CCDC149: variants seen among roughly 807,000 people sequenced by gnomAD.
The protein encoded by CCDC149 is coiled-coil domain containing 149, also known as coiled-coil domain-containing protein 149.
CCDC149 carries 45 observed loss-of-function variants against 59.9 expected under a neutral mutation model. The observed-to-expected ratio is 0.75, with a 90% confidence interval of 0.59 to 0.96. The LOEUF is 0.96. Among genes scored for constraint, CCDC149 ranks in the 40% least tolerant of loss-of-function variants. The pLI is 0.00. For synonymous variants in CCDC149, 245 were observed against 260.6 expected (o/e 0.94, Z 0.58); for missense variants, 584 against 664.7 (o/e 0.88, Z 1.33).
intron 1 of CCDC149, among the ~76,000 whole-genome samples, chr4:24,949,580 G>T (rs888298427): frequency 6.6e-6 from 1 of 152,130 alleles, no homozygotes; most frequent in African/African-American, 2.4e-5. Flanking sequence ...TGAGGTTAAG[G>T]GGTAAATAAG....
chr4:24,882,327 A>G (rs1420349035), intron 1 of CCDC149, among the ~76,000 whole-genome samples: 1 of 152,224 alleles, frequency 6.6e-6, no homozygotes, highest in Non-Finnish European at 1.5e-5. Flanking sequence ...TCAGAAAGGA[A>G]CTAGAAGGTT....
chr4:24,896,986 A>T (rs1577463068), intron 1 of CCDC149, among the ~76,000 whole-genome samples: 1 of 152,204 alleles, frequency 6.6e-6, no homozygotes, highest in African/African-American at 2.4e-5. Flanking sequence ...TGCTGGTCAC[A>T]GTGAGAGATT....
In CCDC149 at chr4:24,871,431, T is replaced by C. The variant is rs953981051; in HGVS notation, c.264+2250A>G. 5.3e-5 allele frequency among the ~76,000 whole-genome samples: 8 copies of C among 152,180 alleles called. 1 individual carries two copies. The highest frequency in any genetic ancestry group is 8.8e-5 in the Non-Finnish European group (6 of 68,032). On this transcript the variant is annotated intron_variant, in intron 3 of 12. Transcript: ENST00000635206. ...GGGTTGCTATCTGCATCCACCCATT[T>C]CAAAGTCCTGCTCAGGCACAGAGGC...
intron 1 of CCDC149, among the ~76,000 whole-genome samples, chr4:24,933,638 A>C (rs981628663): frequency 6.6e-6 from 1 of 152,204 alleles, no homozygotes; most frequent in Non-Finnish European, 1.5e-5. Flanking sequence ...TTTTCCTCCT[A>C]GAGTTCATAT....
chr4:24,855,395 T>C (rs986448535), intron 3 of CCDC149, among the ~76,000 whole-genome samples: 1 of 152,030 alleles, frequency 6.6e-6, no homozygotes, highest in Non-Finnish European at 1.5e-5. Context: ...TGAAACTCTG[T>C]CTCTACTAAA....
At chr4:24,972,014 A>G (rs558805587) in intron 1 of CCDC149, among the ~76,000 whole-genome samples, 1 of 152,300 alleles carries the variant, frequency 6.6e-6, no homozygotes, top group South Asian at 2.1e-4. Flanking sequence ...CCTTTCCAGA[A>G]CCAACCAAGG....
chr4:24,973,902 G>T (rs1326631641), intron 1 of CCDC149, among the ~76,000 whole-genome samples: 1 of 152,252 alleles, frequency 6.6e-6, no homozygotes, highest in Non-Finnish European at 1.5e-5. Context: ...CTTAAGGCAA[G>T]TAGGCCTTGC....
chr4:24,822,445 T>C, intron 10 of CCDC149, 52 bp downstream of exon 10: 1 of 1,267,898 alleles, frequency 7.9e-7, no homozygotes, highest in Admixed American at 3.1e-5. Context: ...CTTCATTTCT[T>C]AAAAAAAAGA....
In CCDC149 at chr4:24,874,258, T is replaced by G. The variant is rs199818555; in HGVS notation, c.226-539A>C. Among the ~76,000 whole-genome samples the G allele has an allele frequency of 8.3e-3, 433 of 52,190 alleles. 9 individuals are homozygous for G. Among genetic ancestry groups the G allele is most frequent in the East Asian group, 0.039 (74 of 1,904 alleles). The allele number at this position is 52,190 out of a possible 152,430, so 34.2% of individuals were successfully genotyped here. ...CTATTAGATTTGTTTTTTTTTTTTT[T>G]TGTTTTGTTTTTTTTTGTTTTTTTG... is the stretch of plus-strand genomic sequence containing the variant. On this transcript the variant is annotated intron_variant, in intron 2 of 12. Transcript: ENST00000635206.
At chr4:24,963,050 C>T (rs1371469344) in intron 1 of CCDC149, among the ~76,000 whole-genome samples, 1 of 151,710 alleles carries the variant, frequency 6.6e-6, no homozygotes, top group African/African-American at 2.4e-5. Context: ...TGGACTAACA[C>T]CTGAAAACCT....
intron 1 of CCDC149, among the ~76,000 whole-genome samples, chr4:24,953,905 C>T (rs796344943): frequency 3.0e-4 from 45 of 151,294 alleles, no homozygotes; most frequent in African/African-American, 1.0e-3. Flanking sequence ...ACAAAAGGCT[C>T]ACTAGAAACA....
chr4:24,961,473 T>C (rs191253843), intron 1 of CCDC149, among the ~76,000 whole-genome samples: 38 of 152,296 alleles, frequency 2.5e-4, no homozygotes, highest in Non-Finnish European at 4.4e-4. Context: ...AAACTTCATA[T>C]GGACCCAAAA....
At chr4:24,851,304 C>T (rs991633205) in intron 4 of CCDC149, among the ~76,000 whole-genome samples, 1 of 152,186 alleles carries the variant, frequency 6.6e-6, no homozygotes, top group African/African-American at 2.4e-5. Context: ...ATTCTGTCAT[C>T]CATGCTAGAG....
At chr4:24,880,230 T>C (rs941265) in intron 1 of CCDC149, among the ~76,000 whole-genome samples, 75,814 of 152,172 alleles carry the variant, frequency 0.5, 20,784 homozygotes, top group Non-Finnish European at 0.61. Context: ...TGTGTTACAA[T>C]TGCCTTGTAT....
At chr4:24,808,894 CT>C in intron 12 of CCDC149, 75 bp from the exon 13 acceptor site, 2 of 1,348,100 alleles carry the variant, frequency 1.5e-6, no homozygotes, top group South Asian at 3.0e-5. Flanking sequence ...TGCCAACCTC[CT>C]GCCCAGCCTA....
intron 1 of CCDC149, among the ~76,000 whole-genome samples, chr4:24,976,970 G>C (rs1724227000): frequency 6.6e-6 from 1 of 152,172 alleles, no homozygotes; most frequent in Admixed American, 6.5e-5. Flanking sequence ...GGATGGACCT[G>C]ATCAGGAAAA....
intron 1 of CCDC149, among the ~76,000 whole-genome samples, chr4:24,963,617 G>A (rs761199400): frequency 1.3e-5 from 2 of 152,102 alleles, no homozygotes; most frequent in Admixed American, 6.5e-5. Flanking sequence ...GCAACAAGGT[G>A]GTACAAGTCA....
chr4:24,958,281 T>A (rs1723527101), intron 1 of CCDC149, among the ~76,000 whole-genome samples: 1 of 152,208 alleles, frequency 6.6e-6, no homozygotes, highest in Non-Finnish European at 1.5e-5. Context: ...ACCAGAAGAC[T>A]TTCCTTTGGA....
chr4:24,856,488 A>G (rs545736667), intron 3 of CCDC149, among the ~76,000 whole-genome samples: 3 of 152,376 alleles, frequency 2.0e-5, no homozygotes, highest in Non-Finnish European at 4.4e-5. Flanking sequence ...TTCACTGAGA[A>G]GGCCACATTT....
Sources: allele counts gnomAD v4.1 joint callset (sites outside exome capture counted in the v4.1 genomes callset), GRCh38; gene constraint gnomAD v4.1.1; transcripts MANE v1.5; gene names NCBI Gene and HGNC (gene_info 2026-07-23, HGNC 2026-07-21).